NAV3: variants seen among roughly 807,000 people sequenced by gnomAD.
NAV3 encodes the protein neuron navigator 3, also known as pore membrane and/or filament interacting like protein 1.
NAV3 carries 87 observed loss-of-function variants against 244.7 expected under a neutral mutation model. That is an observed-to-expected ratio of 0.36 (90% CI 0.30 to 0.42). The LOEUF (loss-of-function observed/expected upper bound fraction) is 0.42, where lower values mean the gene tolerates loss of function less well. Among genes scored for constraint, NAV3 ranks in the 20% least tolerant of loss-of-function variants. NAV3 has a pLI of 1.00. For missense variants in NAV3, 2,663 were observed against 2,893.3 expected (o/e 0.92, Z 1.83); for synonymous variants, 1,126 against 1,042.2 (o/e 1.08, Z -1.55).
chr12:77,754,400 C>A (rs1752982555), intron 2 of NAV3, among the ~76,000 whole-genome samples: 1 of 152,164 alleles, frequency 6.6e-6, no homozygotes. Context: ...CACTCCAACA[C>A]AAGCTATGGC....
chr12:77,578,639 T>C (rs1255090223), intron 2 of NAV3, among the ~76,000 whole-genome samples: 2 of 152,294 alleles, frequency 1.3e-5, no homozygotes, highest in South Asian at 2.1e-4. Context: ...CAAGAATTCT[T>C]TCATCCTTAT....
chr12:78,047,978 C>T (rs1177087044), intron 9 of NAV3, among the ~76,000 whole-genome samples: 1 of 150,538 alleles, frequency 6.6e-6, no homozygotes, highest in African/African-American at 2.5e-5. Flanking sequence ...CTCGGATATC[C>T]TTCCTTCCCC....
chr12:77,930,095 C>A (rs1222080027), intron 1 of NAV3, among the ~76,000 whole-genome samples: 2 of 152,138 alleles, frequency 1.3e-5, no homozygotes, highest in African/African-American at 2.4e-5. Flanking sequence ...ACCCATTTAG[C>A]AATTTCTTAT....
At chr12:77,609,113 C>T (rs1273991966) in intron 2 of NAV3, among the ~76,000 whole-genome samples, 1 of 152,078 alleles carries the variant, frequency 6.6e-6, no homozygotes, top group African/African-American at 2.4e-5. Flanking sequence ...TCTTGCAATA[C>T]TATTTATGTT....
Position 77,956,113 on chromosome 12 carries a change from ACT to A in NAV3, c.415-10112_415-10111del, listed in dbSNP as rs1891334368. ...AAAAATATTACTGTATTTTACTTTA[ACT>A]CTCCAGAAAAAATTTATGTCTAGTT... is the stretch of plus-strand genomic sequence containing the variant. On this transcript the variant is annotated intron_variant, in intron 3 of 39. Coordinates refer to ENST00000397909, the MANE Select transcript of NAV3 (RefSeq NM_001024383.2). Among the ~76,000 whole-genome samples the A allele has an allele frequency of 3.3e-5, 5 of 152,130 alleles. 1 individual carries two copies. Among genetic ancestry groups the A allele is most frequent in the Admixed American group, 3.3e-4 (5 of 15,270 alleles).
intron 2 of NAV3, among the ~76,000 whole-genome samples, chr12:77,599,578 C>A (rs750989916): frequency 6.6e-5 from 10 of 151,584 alleles, no homozygotes; most frequent in Non-Finnish European, 1.5e-4. Flanking sequence ...AGGCTGAAAA[C>A]CATTCCAAGA....
At chr12:77,971,344 C>T (rs1234866435) in intron 5 of NAV3, among the ~76,000 whole-genome samples, 1 of 151,930 alleles carries the variant, frequency 6.6e-6, no homozygotes, top group African/African-American at 2.4e-5. Context: ...AGAGTAACAG[C>T]TTTAATAAAA....
At chr12:77,806,619 G>A (rs1871993691) in intron 2 of NAV3, among the ~76,000 whole-genome samples, 1 of 152,152 alleles carries the variant, frequency 6.6e-6, no homozygotes, top group African/African-American at 2.4e-5. Context: ...TTGCTATGTG[G>A]TGCTGAGAAG....
chr12:77,874,638 T>C (rs190523282), intron 1 of NAV3, among the ~76,000 whole-genome samples: 38 of 152,220 alleles, frequency 2.5e-4, no homozygotes, highest in Non-Finnish European at 5.0e-4. Flanking sequence ...TTTCACTCTA[T>C]ATTGTCTTAT....
intron 25 of NAV3, among the ~76,000 whole-genome samples, chr12:78,175,948 A>G (rs948160230): frequency 4.6e-5 from 7 of 151,244 alleles, no homozygotes; most frequent in African/African-American, 1.7e-4. Flanking sequence ...GGGAGTTAAT[A>G]AAGGGAAAGA....
At chr12:78,078,303 T>C (rs1021633823) in intron 12 of NAV3, among the ~76,000 whole-genome samples, 1 of 151,782 alleles carries the variant, frequency 6.6e-6, no homozygotes, top group Non-Finnish European at 1.5e-5. Context: ...CTCATTCTCT[T>C]TGCTCTACAT....
chr12:77,722,711 T>C (rs1876694199), intron 2 of NAV3, among the ~76,000 whole-genome samples: 1 of 152,002 alleles, frequency 6.6e-6, no homozygotes, highest in East Asian at 1.9e-4. Flanking sequence ...TATAGGGAAA[T>C]GATTGGAATA....
At chr12:78,122,949 T>C (rs919840558) in intron 16 of NAV3, among the ~76,000 whole-genome samples, 3 of 151,758 alleles carry the variant, frequency 2.0e-5, no homozygotes, top group Non-Finnish European at 4.4e-5. Context: ...CCATGAATCA[T>C]TAGAGAAAAT....
At chr12:78,171,723 G>C (rs1436942381) in intron 24 of NAV3, among the ~76,000 whole-genome samples, 1 of 151,414 alleles carries the variant, frequency 6.6e-6, no homozygotes, top group Non-Finnish European at 1.5e-5. Context: ...TAAGGTAATT[G>C]TATGGCATAT....
At chr12:77,984,825 T>G (rs1870194088) in intron 5 of NAV3, among the ~76,000 whole-genome samples, 1 of 151,948 alleles carries the variant, frequency 6.6e-6, no homozygotes, top group South Asian at 2.1e-4. Context: ...GGTTTTTTGT[T>G]TTTTTTTTCG....
chr12:77,781,858 G>T (rs1411963445), intron 2 of NAV3, among the ~76,000 whole-genome samples: 1 of 152,112 alleles, frequency 6.6e-6, no homozygotes, highest in Non-Finnish European at 1.5e-5. Flanking sequence ...AATGACTAGG[G>T]CAAGTGTTTG....
chr12:78,180,783 C>A, intron 29 of NAV3, 88 bp from the exon 30 acceptor site: 1 of 1,006,684 alleles, frequency 9.9e-7, no homozygotes, highest in Non-Finnish European at 1.4e-6. Flanking sequence ...ATTTAACAAA[C>A]AAGCTAATTA....
intron 2 of NAV3, among the ~76,000 whole-genome samples, chr12:77,672,559 T>G (rs1293426073): frequency 6.6e-6 from 1 of 152,100 alleles, no homozygotes; most frequent in African/African-American, 2.4e-5. Context: ...TATGTGTGTG[T>G]GTGTGTATAT....
At position 78,212,428 on chromosome 12, in the gene NAV3, T is replaced by C. The variant is rs1167855334; in HGVS notation, c.*1911T>C. 6.6e-6 allele frequency: 1 copy of C among 152,600 alleles called. No homozygotes were observed. Among genetic ancestry groups the C allele is most frequent in the Non-Finnish European group, 1.5e-5 (1 of 68,042 alleles). The allele number at this position is 152,600 out of a possible 1,614,324, so 9.5% of individuals were successfully genotyped here. On this transcript the variant is annotated 3_prime_UTR_variant, in exon 40 of 40. Coordinates refer to ENST00000397909, the MANE Select transcript of NAV3 (RefSeq NM_001024383.2). ...CGAAACATCTGTGCAGTTTTCAGAG[T>C]GTCACAAAGTCAATAGGTCCTTACA...
Sources: allele counts gnomAD v4.1 joint callset (sites outside exome capture counted in the v4.1 genomes callset), GRCh38; gene constraint gnomAD v4.1.1; transcripts MANE v1.5; gene names NCBI Gene and HGNC (gene_info 2026-07-23, HGNC 2026-07-21).